Variants in ERBIN observed in about 807,000 individuals in gnomAD.
The protein encoded by ERBIN is erbb2 interacting protein, also known as densin-180-like protein.
Under a neutral mutation model 158.4 loss-of-function variants are expected in ERBIN, and 60 were observed. The ratio of observed to expected loss-of-function variants is 0.38; its 90% CI spans 0.31 to 0.47. The LOEUF (loss-of-function observed/expected upper bound fraction) is 0.47. Among genes scored for constraint, ERBIN ranks in the 20% least tolerant of loss-of-function variants. The pLI, the probability that ERBIN is intolerant of heterozygous loss-of-function variation, is 0.99. For missense variants in ERBIN, 1,610 were observed against 1,648.0 expected, an observed-to-expected ratio of 0.98 and a Z score of 0.40; for synonymous variants, 594 against 557.2, an observed-to-expected ratio of 1.07 and a Z score of -0.93.
intron 1 of ERBIN, among the ~76,000 whole-genome samples, chr5:65,980,218 C>G (rs1292348428): frequency 6.6e-6 from 1 of 152,120 alleles, no homozygotes; most frequent in Non-Finnish European, 1.5e-5. Flanking sequence ...GAGTTCGAGA[C>G]CAGCCTGGCC....
chr5:66,033,596 T>C (rs183067606), intron 14 of ERBIN, among the ~76,000 whole-genome samples: 333 of 152,292 alleles, frequency 2.2e-3, no homozygotes, highest in Non-Finnish European at 3.8e-3. Flanking sequence ...AAAGTAATTA[T>C]AGAGGTATAT....
intron 1 of ERBIN, among the ~76,000 whole-genome samples, chr5:65,938,371 C>CT (rs4019046): frequency 0.053 from 6,500 of 121,576 alleles, 238 homozygotes; most frequent in African/African-American, 0.11. Flanking sequence ...AGGCATAGGT[C>CT]TTTTTTTTTT....
intron 1 of ERBIN, among the ~76,000 whole-genome samples, chr5:65,938,495 T>C (rs920517709): frequency 6.6e-6 from 1 of 151,802 alleles, no homozygotes; most frequent in Non-Finnish European, 1.5e-5. Flanking sequence ...ACAACCCAGT[T>C]TGCATATTTA....
intron 2 of ERBIN, among the ~76,000 whole-genome samples, chr5:65,989,695 C>G (rs1459607241): frequency 6.6e-6 from 1 of 152,182 alleles, no homozygotes; most frequent in East Asian, 1.9e-4. Context: ...TATGTTTGGA[C>G]CCAGTATGGT....
chr5:65,972,264 A>G (rs908216582), intron 1 of ERBIN, among the ~76,000 whole-genome samples: 1 of 152,248 alleles, frequency 6.6e-6, no homozygotes, highest in African/African-American at 2.4e-5. Flanking sequence ...TGTTTTCTCA[A>G]TAGGTATATT....
intron 1 of ERBIN, among the ~76,000 whole-genome samples, chr5:65,960,307 AAT>A (rs1747765837): frequency 6.6e-6 from 1 of 152,202 alleles, no homozygotes; most frequent in South Asian, 2.1e-4. Context: ...TAGCATTAGA[AAT>A]ATGAGGAGTG....
At chr5:65,957,423 A>C (rs1289365563) in intron 1 of ERBIN, among the ~76,000 whole-genome samples, 1 of 152,052 alleles carries the variant, frequency 6.6e-6, no homozygotes, top group African/African-American at 2.4e-5. Context: ...GATGACTCTT[A>C]ACGAGCATGC....
At chr5:65,945,923 G>A (rs910364214) in intron 1 of ERBIN, among the ~76,000 whole-genome samples, 1 of 152,176 alleles carries the variant, frequency 6.6e-6, no homozygotes, top group Non-Finnish European at 1.5e-5. Flanking sequence ...CAGGATATTG[G>A]AATTTTGGTA....
intron 4 of ERBIN, among the ~76,000 whole-genome samples, chr5:65,998,622 C>T (rs528361127): frequency 2.0e-5 from 3 of 151,888 alleles, no homozygotes; most frequent in African/African-American, 7.2e-5. Context: ...TTTGGCCAGG[C>T]CCAGTGGCTC....
chr5:66,060,215 A>C (rs916136815), intron 21 of ERBIN, among the ~76,000 whole-genome samples: 48 of 152,172 alleles, frequency 3.2e-4, no homozygotes, highest in Admixed American at 3.1e-3. Context: ...TCAATTTCAG[A>C]GCCTGTTATT....
chr5:65,942,212 A>G (rs1490878700), intron 1 of ERBIN, among the ~76,000 whole-genome samples: 1 of 152,162 alleles, frequency 6.6e-6, no homozygotes, highest in Admixed American at 6.5e-5. Flanking sequence ...CCAGTTGGAG[A>G]AGTGAAATGT....
intron 1 of ERBIN, among the ~76,000 whole-genome samples, chr5:65,937,845 CT>C (rs1744276221): frequency 6.6e-6 from 1 of 152,098 alleles, no homozygotes; most frequent in Admixed American, 6.6e-5. Context: ...GGAGGCGGAG[CT>C]TGTAGTGAGC....
At chr5:66,030,195 C>T (rs894648890) in intron 14 of ERBIN, among the ~76,000 whole-genome samples, 2 of 151,934 alleles carry the variant, frequency 1.3e-5, no homozygotes, top group African/African-American at 2.4e-5. Flanking sequence ...TATGCCACCA[C>T]GCCCGGCTAA....
At chr5:66,024,834 T>TA (rs1385087792) in intron 10 of ERBIN, among the ~76,000 whole-genome samples, 1 of 152,094 alleles carries the variant, frequency 6.6e-6, no homozygotes, top group Non-Finnish European at 1.5e-5. Flanking sequence ...TATGATTGAG[T>TA]CTGTGTAGTT....
chr5:65,940,722 G>A (rs1477304109), intron 1 of ERBIN, among the ~76,000 whole-genome samples: 1 of 148,150 alleles, frequency 6.7e-6, no homozygotes, highest in Non-Finnish European at 1.5e-5. Context: ...CCGGCCAGCC[G>A]CCCCGTCCGG....
At chr5:66,007,425 GAT>G (rs879737438) in intron 4 of ERBIN, among the ~76,000 whole-genome samples, 38 of 40,608 alleles carry the variant, frequency 9.4e-4, no homozygotes, top group Non-Finnish European at 2.0e-3. Context: ...AGCGTTAGGA[GAT>G]ATACCTATAC....
chr5:66,061,826 A>G (rs1050872483), intron 21 of ERBIN, among the ~76,000 whole-genome samples: 1 of 152,178 alleles, frequency 6.6e-6, no homozygotes, highest in Non-Finnish European at 1.5e-5. Context: ...TGGATATGAA[A>G]TTCTGGGTTG....
At chr5:66,018,344 CAG>C (rs1755020456) in intron 7 of ERBIN, among the ~76,000 whole-genome samples, 1 of 138,210 alleles carries the variant, frequency 7.2e-6, no homozygotes, top group Non-Finnish European at 1.5e-5. Context: ...TTTCTTACAT[CAG>C]AGTTTTATAG....
chr5:65,937,857 C>G (rs542432700), intron 1 of ERBIN, among the ~76,000 whole-genome samples: 1 of 152,042 alleles, frequency 6.6e-6, no homozygotes, highest in African/African-American at 2.4e-5. Context: ...TGTAGTGAGC[C>G]GAGATCGTGC....
Sources: gnomAD v4.1 joint callset for allele counts (sites outside exome capture counted in the v4.1 genomes callset) on GRCh38, gnomAD v4.1.1 for gene constraint, MANE v1.5 for transcripts, NCBI Gene and HGNC (gene_info 2026-07-23, HGNC 2026-07-21) for gene names.